Variants in MYT1L observed in about 807,000 individuals in gnomAD.
MYT1L encodes the protein myelin transcription factor 1 like.
Under a neutral mutation model 126.7 loss-of-function variants are expected in MYT1L, and 12 were observed. That is an observed-to-expected ratio of 0.09 (90% CI 0.06 to 0.15). The LOEUF (loss-of-function observed/expected upper bound fraction) is 0.15, where lower values mean the gene tolerates loss of function less well. MYT1L is among the 10% of genes least tolerant of loss of function. MYT1L has a pLI of 1.00. For missense variants in MYT1L, 979 were observed against 1,585.2 expected, an observed-to-expected ratio of 0.62 and a Z score of 6.49; for synonymous variants, 541 against 604.2, an observed-to-expected ratio of 0.90 and a Z score of 1.53.
At chr2:2,001,351 T>C (rs1233695745) in intron 4 of MYT1L, among the ~76,000 whole-genome samples, 1 of 151,644 alleles carries the variant, frequency 6.6e-6, no homozygotes, top group African/African-American at 2.4e-5. Context: ...AGTACTCCAA[T>C]TTTAATTTTC....
At chr2:2,069,072 T>C (rs1489195944) in intron 3 of MYT1L, among the ~76,000 whole-genome samples, 3 of 150,880 alleles carry the variant, frequency 2.0e-5, no homozygotes, top group Non-Finnish European at 4.4e-5. Flanking sequence ...TTGGGCAACA[T>C]TTTTTTTTCT....
intron 2 of MYT1L, among the ~76,000 whole-genome samples, chr2:2,273,731 G>A (rs570275800): frequency 1.3e-5 from 2 of 152,312 alleles, no homozygotes; most frequent in Non-Finnish European, 2.9e-5. Context: ...TGTGCTGCAT[G>A]TCTGAGAGGT....
intron 4 of MYT1L, among the ~76,000 whole-genome samples, chr2:2,015,039 C>G (rs961264381): frequency 1.3e-5 from 2 of 152,150 alleles, no homozygotes; most frequent in African/African-American, 4.8e-5. Context: ...GTGATCTTTT[C>G]GGCCCTAATT....
chr2:1,941,957 T>C (rs1295320576), intron 9 of MYT1L, among the ~76,000 whole-genome samples: 1 of 152,116 alleles, frequency 6.6e-6, no homozygotes, highest in Non-Finnish European at 1.5e-5. Context: ...GCAACTCACA[T>C]CTCCCTGATG....
chr2:1,959,815 C>T (rs1242735493), intron 8 of MYT1L, among the ~76,000 whole-genome samples: 5 of 152,172 alleles, frequency 3.3e-5, no homozygotes, highest in East Asian at 1.9e-4. Context: ...CAGCCACATA[C>T]GGTGTGGAGG....
chr2:2,170,099 G>A (rs972514265), intron 3 of MYT1L, among the ~76,000 whole-genome samples: 1 of 152,122 alleles, frequency 6.6e-6, no homozygotes, highest in Admixed American at 6.6e-5. Flanking sequence ...TGGGTACCAC[G>A]CTCACGTATC....
chr2:2,175,540 A>C (rs1045161605), intron 2 of MYT1L, among the ~76,000 whole-genome samples: 1 of 152,046 alleles, frequency 6.6e-6, no homozygotes, highest in Non-Finnish European at 1.5e-5. Flanking sequence ...ATAACACTGA[A>C]CAGCAAGAAC....
chr2:1,944,922 C>T (rs1441715533), intron 8 of MYT1L, among the ~76,000 whole-genome samples: 5 of 152,098 alleles, frequency 3.3e-5, no homozygotes, highest in Non-Finnish European at 5.9e-5. Context: ...CAGGCATGCA[C>T]GGGTGCTAGC....
rs111330386 is a variant in MYT1L at position 2,291,773 on chromosome 2, C to T, written c.-520-7270G>A. Among the ~76,000 whole-genome samples, 92 of 152,324 alleles carry T rather than the reference C, an allele frequency of 6.0e-4. 1 individual carries two copies. The highest frequency in any genetic ancestry group is 6.0e-4 in the Non-Finnish European group (41 of 68,034). ...GGCTCCCCGACCCACGCACCCTGTGCCCCCAGGTGCCAGCTCTTGCATTAC... is the reference window on the plus strand; with the variant it reads ...GGCTCCCCGACCCACGCACCCTGTGTCCCCAGGTGCCAGCTCTTGCATTAC... On this transcript the variant is annotated intron_variant, in intron 1 of 24. Coordinates refer to ENST00000647738, the MANE Select transcript of MYT1L (RefSeq NM_001303052.2).
At chr2:2,161,842 A>G (rs2148435016) in intron 3 of MYT1L, among the ~76,000 whole-genome samples, 1 of 152,268 alleles carries the variant, frequency 6.6e-6, no homozygotes, top group South Asian at 2.1e-4. Flanking sequence ...CAGGCCCTAT[A>G]CTAGAAATTC....
chr2:1,861,260 C>T (rs2044554112), intron 18 of MYT1L, among the ~76,000 whole-genome samples: 1 of 151,924 alleles, frequency 6.6e-6, no homozygotes, highest in African/African-American at 2.4e-5. Context: ...GGTTTAGACT[C>T]CTTTTCAGTT....
intron 3 of MYT1L, among the ~76,000 whole-genome samples, chr2:2,144,545 A>G (rs1340224797): frequency 6.6e-6 from 1 of 152,192 alleles, no homozygotes; most frequent in East Asian, 1.9e-4. Flanking sequence ...GCTGTGAGTG[A>G]AGTGGAAAGT....
At chr2:1,835,340 C>T (rs1288750274) in intron 21 of MYT1L, among the ~76,000 whole-genome samples, 1 of 152,172 alleles carries the variant, frequency 6.6e-6, no homozygotes, top group Admixed American at 6.5e-5. Context: ...CCTAGTTACA[C>T]AAAAGTGTTG....
chr2:2,296,664 G>A (rs999871292), intron 1 of MYT1L, among the ~76,000 whole-genome samples: 4 of 152,124 alleles, frequency 2.6e-5, no homozygotes, highest in Non-Finnish European at 4.4e-5. Flanking sequence ...GGTACCTCAG[G>A]CCCGGTGGGG....
intron 15 of MYT1L, among the ~76,000 whole-genome samples, chr2:1,891,758 T>C (rs2148872685): frequency 6.6e-6 from 1 of 152,322 alleles, no homozygotes; most frequent in Non-Finnish European, 1.5e-5. Context: ...TTTACAGAAA[T>C]GCTTCTGGAT....
intron 3 of MYT1L, among the ~76,000 whole-genome samples, chr2:2,146,560 A>G (rs973925179): frequency 6.6e-6 from 1 of 152,184 alleles, no homozygotes; most frequent in African/African-American, 2.4e-5. Flanking sequence ...CTAGATCTAA[A>G]TGAGCAAAAA....
intron 23 of MYT1L, among the ~76,000 whole-genome samples, chr2:1,796,442 C>T (rs891684792): frequency 1.3e-5 from 2 of 152,134 alleles, no homozygotes; most frequent in East Asian, 1.9e-4. Flanking sequence ...GGCTTAGCCC[C>T]AGGGAGAACA....
At chr2:2,046,699 C>G (rs1386288706) in intron 4 of MYT1L, among the ~76,000 whole-genome samples, 1 of 152,214 alleles carries the variant, frequency 6.6e-6, no homozygotes, top group East Asian at 1.9e-4. Flanking sequence ...GGCTTCTGCA[C>G]TGGCTGTCTA....
chr2:2,093,208 T>C (rs184648646), intron 3 of MYT1L, among the ~76,000 whole-genome samples: 1 of 152,172 alleles, frequency 6.6e-6, no homozygotes, highest in African/African-American at 2.4e-5. Flanking sequence ...TGAAGATTTC[T>C]TTCCAGCAAG....
Sources: allele counts gnomAD v4.1 joint callset (sites outside exome capture counted in the v4.1 genomes callset), GRCh38; gene constraint gnomAD v4.1.1; transcripts MANE v1.5; gene names NCBI Gene and HGNC (gene_info 2026-07-23, HGNC 2026-07-21).